Variants in SUFU observed in about 807,000 individuals in gnomAD.
The protein encoded by SUFU is suppressor of fused homolog.
A neutral mutation model predicts 58.9 loss-of-function variants in SUFU; 7 were observed. The observed-to-expected ratio is 0.12, with a 90% CI of 0.07 to 0.22. The LOEUF is 0.22. SUFU is among the 10% of genes least tolerant of loss of function. The probability of loss-of-function intolerance (pLI) is 1.00; values close to 1 mark genes in which losing one functional copy is unlikely to be tolerated. For synonymous variants in SUFU, 232 were observed against 254.8 expected (o/e 0.91, Z 0.85); for missense variants, 451 against 641.3 (o/e 0.70, Z 3.20).
At chr10:102,519,156 GAA>G (rs869304200) in intron 2 of SUFU, among the ~76,000 whole-genome samples, 4 of 103,740 alleles carry the variant, frequency 3.9e-5, no homozygotes, top group African/African-American at 6.6e-5. Context: ...AAAAAAAAAA[GAA>G]AGAGTCCTTC....
intron 4 of SUFU, among the ~76,000 whole-genome samples, 197 bp from the exon 5 acceptor site, chr10:102,593,439 T>A (rs541972369): frequency 6.6e-6 from 1 of 152,236 alleles, no homozygotes; most frequent in South Asian, 2.1e-4. Context: ...AGGGCCCACA[T>A]GTGGACCCAG....
At chr10:102,622,023 T>G (rs1400645106) in intron 10 of SUFU, among the ~76,000 whole-genome samples, 1 of 152,178 alleles carries the variant, frequency 6.6e-6, no homozygotes, top group Non-Finnish European at 1.5e-5. Context: ...GGGAGGTTGT[T>G]GACAGTCCTC....
chr10:102,589,430 T>TTTTC (rs1438673883), intron 3 of SUFU, among the ~76,000 whole-genome samples: 4 of 118,634 alleles, frequency 3.4e-5, no homozygotes, highest in East Asian at 2.4e-4. Context: ...TCTGGAAGTA[T>TTTTC]TTTCTTTCTT....
chr10:102,622,046 C>G (rs1590088276), intron 10 of SUFU, among the ~76,000 whole-genome samples: 1 of 152,334 alleles, frequency 6.6e-6, no homozygotes, highest in East Asian at 1.9e-4. Flanking sequence ...TCACCACCAC[C>G]CAGCCAAGCT....
At chr10:102,604,441 C>T (rs1224667915) in intron 8 of SUFU, among the ~76,000 whole-genome samples, 1 of 152,192 alleles carries the variant, frequency 6.6e-6, no homozygotes, top group Non-Finnish European at 1.5e-5. Flanking sequence ...GATGAAGTCA[C>T]GGCCATTGTT....
intron 3 of SUFU, among the ~76,000 whole-genome samples, chr10:102,571,736 C>G (rs2063163495): frequency 6.6e-6 from 1 of 152,182 alleles, no homozygotes; most frequent in African/African-American, 2.4e-5. Context: ...AACCCAATTT[C>G]TGTGTGTCTC....
rs922164915 is a variant in SUFU at position 102,632,471 on chromosome 10, A to C, written c.*2316A>C. 1 of 233,086 alleles carries C rather than the reference A, an allele frequency of 4.3e-6. No individual in the cohort carries two copies. Among genetic ancestry groups the C allele is most frequent in the Non-Finnish European group, 8.5e-6 (1 of 118,068 alleles). 14.4% of individuals were successfully genotyped at this position (233,086 alleles called of 1,614,324 possible). A position where few individuals can be genotyped will look rare whatever the true frequency, so the allele number is the denominator to read the frequency against. ...CAGGACAGGGTATCACACATTTCTCACCAGGCCTCCTTTCCTATGGGCATT... is the reference window on the plus strand; with the variant it reads ...CAGGACAGGGTATCACACATTTCTCCCCAGGCCTCCTTTCCTATGGGCATT... On this transcript the variant is annotated 3_prime_UTR_variant, in exon 12 of 12. Transcript: ENST00000369902.
At chr10:102,583,805 A>C (rs144567732) in intron 3 of SUFU, among the ~76,000 whole-genome samples, 3 of 152,004 alleles carry the variant, frequency 2.0e-5, no homozygotes, top group Non-Finnish European at 4.4e-5. Flanking sequence ...TGCTGCACCG[A>C]TTAACTCGTC....
At chr10:102,563,891 G>A (rs2063063641) in intron 3 of SUFU, among the ~76,000 whole-genome samples, 1 of 152,100 alleles carries the variant, frequency 6.6e-6, no homozygotes. Context: ...TTGGAGCGCA[G>A]CCCTCAGGGT....
At chr10:102,597,874 G>C (rs2063479194) in intron 7 of SUFU, among the ~76,000 whole-genome samples, 1 of 152,248 alleles carries the variant, frequency 6.6e-6, no homozygotes, top group African/African-American at 2.4e-5. Flanking sequence ...TGGCTGTCCT[G>C]TTGGAATCTC....
chr10:102,562,478 G>A (rs896327523), intron 3 of SUFU, among the ~76,000 whole-genome samples: 5 of 152,034 alleles, frequency 3.3e-5, no homozygotes, highest in Non-Finnish European at 7.4e-5. Context: ...AGCCGAGATC[G>A]CGCCGCTACA....
At chr10:102,611,512 A>G (rs1461762431) in intron 8 of SUFU, among the ~76,000 whole-genome samples, 1 of 152,242 alleles carries the variant, frequency 6.6e-6, no homozygotes, top group East Asian at 1.9e-4. Context: ...CCCAAGCTCC[A>G]GGCAAGAACC....
At chr10:102,589,442 C>CTTTTTTTTTTTTTTTTTTTTTTTT (rs747625757) in intron 3 of SUFU, among the ~76,000 whole-genome samples, 2 of 65,358 alleles carry the variant, frequency 3.1e-5, no homozygotes, top group African/African-American at 6.3e-5. Context: ...TTCTTTCTTT[C>CTTTTTTTTTTTTTTTTTTTTTTTT]TTTTTTTTTT....
At chr10:102,530,557 G>T (rs898968841) in intron 2 of SUFU, among the ~76,000 whole-genome samples, 4 of 151,192 alleles carry the variant, frequency 2.6e-5, no homozygotes, top group African/African-American at 4.9e-5. Context: ...GGGCTCAAGT[G>T]GTCCTCATGC....
chr10:102,587,498 T>C (rs1291291079), intron 3 of SUFU, among the ~76,000 whole-genome samples: 1 of 152,214 alleles, frequency 6.6e-6, no homozygotes, highest in Non-Finnish European at 1.5e-5. Context: ...ACAAACAGTT[T>C]GTTTTGTTTT....
Position 102,524,411 on chromosome 10 carries a change from C to T in SUFU, c.317+15108C>T, listed in dbSNP as rs550119832. ...TGCAATCTCGGCTCACTGTAACCTC[C>T]GCCTCCTGGGATCAAGCGATTCTCC... On this transcript the variant is annotated intron_variant, in intron 2 of 11. Transcript: ENST00000369902. Among the ~76,000 whole-genome samples, 5 of 150,796 alleles carry T rather than the reference C, an allele frequency of 3.3e-5. No homozygotes were observed. In the South Asian group the frequency reaches 6.3e-4, roughly 19 times the overall value.
chr10:102,506,006 G>A (rs1045041126), intron 1 of SUFU, among the ~76,000 whole-genome samples: 1 of 147,456 alleles, frequency 6.8e-6, no homozygotes, highest in African/African-American at 2.5e-5. Context: ...AGACCAGTGT[G>A]GGGAGCGTAG....
At position 102,546,206 on chromosome 10, in the gene SUFU, G is replaced by A. The variant is rs143338589; in HGVS notation, c.318-3764G>A. On this transcript the variant is annotated intron_variant, in intron 2 of 11. Coordinates refer to ENST00000369902, the MANE Select transcript of SUFU (RefSeq NM_016169.4). ...TCAGGCAGACTTGCCAAACTGCTGG[G>A]ACAAAGCCAGCCTTCCCCCGGACAC... Among the ~76,000 whole-genome samples the A allele has an allele frequency of 8.7e-3, 1,318 of 152,328 alleles. 15 individuals are homozygous for A. Among genetic ancestry groups the A allele is most frequent in the African/African-American group, 0.029 (1,189 of 41,562 alleles).
intron 2 of SUFU, among the ~76,000 whole-genome samples, chr10:102,542,766 A>G (rs1175508627): frequency 6.6e-6 from 1 of 152,048 alleles, no homozygotes; most frequent in Non-Finnish European, 1.5e-5. Flanking sequence ...CTGGGACTAC[A>G]GGCACGTGCC....
Sources: gnomAD v4.1 joint callset for allele counts (sites outside exome capture counted in the v4.1 genomes callset) on GRCh38, gnomAD v4.1.1 for gene constraint, MANE v1.5 for transcripts, NCBI Gene and HGNC (gene_info 2026-07-23, HGNC 2026-07-21) for gene names.